The following DUXA variants were observed in gnomAD, a reference collection of about 807,000 sequenced individuals.
DUXA encodes double homeobox protein A.
In DUXA, 25 loss-of-function variants were observed where a neutral mutation model predicts 27.5. The observed-to-expected ratio is 0.91, with a 90% CI of 0.66 to 1.27. The LOEUF is 1.27. Among genes scored for constraint, DUXA ranks in the 50% most tolerant of loss-of-function variants. DUXA has a pLI of 0.00. For missense variants in DUXA, 247 were observed against 242.9 expected (o/e 1.02, Z -0.11); for synonymous variants, 90 against 80.5 (o/e 1.12, Z -0.63).
In DUXA at chr19:57,156,741, C is replaced by T. The variant is rs368679183; in HGVS notation, c.439-1369G>A. On this transcript the variant is annotated intron_variant, in intron 4 of 5. Coordinates refer to ENST00000554048, the MANE Select transcript of DUXA (RefSeq NM_001012729.2). ...TTGCAGTGGCGTGATCTCGGCTCAC[C>T]GCAACCTCCGCCTCCCGGGTTCAAG... Among the ~76,000 whole-genome samples, 207 of 152,088 alleles carry T rather than the reference C, an allele frequency of 1.4e-3. 2 individuals carry two copies. Among genetic ancestry groups the T allele is most frequent in the African/African-American group, 4.6e-3 (192 of 41,464 alleles).
intron 1 of DUXA, among the ~76,000 whole-genome samples, chr19:57,166,597 G>C (rs895596113): frequency 1.1e-4 from 16 of 152,132 alleles, no homozygotes; most frequent in African/African-American, 3.9e-4. Context: ...CGTGAGCCAC[G>C]GCGCCCGGCC....
intron 3 of DUXA, 41 bp from the exon 4 acceptor site, chr19:57,158,514 A>G (rs1186651341): frequency 1.9e-6 from 3 of 1,605,064 alleles, no homozygotes; most frequent in Non-Finnish European, 2.6e-6. Flanking sequence ...CGGTCAAGGA[A>G]TATTGCAAGG....
intron 4 of DUXA, among the ~76,000 whole-genome samples, chr19:57,158,084 C>A (rs554339254): frequency 3.3e-5 from 5 of 152,118 alleles, no homozygotes; most frequent in Non-Finnish European, 5.9e-5. Context: ...TTGGGTGTCA[C>A]GTGCCACGCA....
chr19:57,155,363 G>T lies in DUXA; in HGVS notation c.448C>A (p.Gln150Lys). The T allele has an allele frequency of 6.2e-7, 1 of 1,613,670 alleles. No individual in the cohort carries two copies. The highest frequency in any genetic ancestry group is 1.1e-5 in the South Asian group (1 of 91,056). ...AGAAGTAATCTAGATCTTCGATTTT[G>T]GAACCAAATCTAAGTGGTAAGACAA... ...VPESRVQIWF[Q>K]NRRSRLLLQR... Residue 150 changes from glutamine (Q) to lysine (K), a missense_variant, in exon 5 of 6, where the codon CAA (glutamine) becomes AAA (lysine). Physicochemically the swap from Gln to Lys is moderately conservative, Grantham distance 53. Transcript: ENST00000554048.
intron 1 of DUXA, among the ~76,000 whole-genome samples, chr19:57,161,262 T>C (rs1599931601): frequency 7.0e-6 from 1 of 142,950 alleles, no homozygotes; most frequent in Non-Finnish European, 1.5e-5. Context: ...GAGGCGGAGG[T>C]TGCAGTGAGC....
At position 57,155,166 on chromosome 19, in the gene DUXA, T is replaced by C; in HGVS notation, c.544+101A>G. 20 of 1,044,302 alleles carry C rather than the reference T, an allele frequency of 1.9e-5. No homozygotes were observed. The South Asian group carries it at 2.7e-4, about 14-fold the overall frequency. 64.7% of individuals were successfully genotyped at this position (1,044,302 alleles called of 1,614,324 possible). A position where few individuals can be genotyped will look rare whatever the true frequency, so the allele number is the denominator to read the frequency against. ...ACCGTGGAGCACTTGAGTGGGGATA[T>C]CCTCCACCTCCCAGGAGGAGCTGTC... On this transcript the variant is annotated intron_variant, in intron 5 of 5. Transcript: ENST00000554048.
rs575506504 is a variant in DUXA, at chr19:57,164,020, A to G, written c.26-3223T>C. On this transcript the variant is annotated intron_variant, in intron 1 of 5. Transcript: ENST00000554048. The stretch of plus-strand genomic sequence containing the variant: ...TCCTTGAGTCCAGGAGTTCAAGACT[A>G]TCCTGGGCAACATAGTGAGACACCA... Among the ~76,000 whole-genome samples, 25 of 152,238 alleles carry G rather than the reference A, an allele frequency of 1.6e-4. No homozygotes were observed. In the South Asian group the frequency reaches 4.8e-3, roughly 29 times the overall value.
intron 3 of DUXA, 58 bp from the exon 4 acceptor site, chr19:57,158,531 T>A: frequency 6.3e-7 from 1 of 1,585,732 alleles, no homozygotes; most frequent in East Asian, 2.3e-5. Context: ...AAGGGTCCAT[T>A]CACATATTCA....
Position 57,154,352 on chromosome 19 carries a change from G to A in DUXA, c.*60C>T, listed in dbSNP as rs1046237248. Reference sequence around the variant, plus strand: ...CAGCAGAAGGATAGACTCCCAGGAAGACCGTGAGACAGATTTGGGGTCCAG... The same window carrying A: ...CAGCAGAAGGATAGACTCCCAGGAAAACCGTGAGACAGATTTGGGGTCCAG... On this transcript the variant is annotated 3_prime_UTR_variant, in exon 6 of 6. Transcript: ENST00000554048. 1.8e-5 allele frequency: 27 copies of A among 1,484,344 alleles called. No individual in the cohort carries two copies. Among genetic ancestry groups the A allele is most frequent in the Admixed American group, 3.4e-5 (2 of 59,356 alleles). The allele number at this position is 1,484,344 out of a possible 1,614,324, so 91.9% of individuals were successfully genotyped here. A position where few individuals can be genotyped will look rare whatever the true frequency, so the allele number is the denominator to read the frequency against.
Position 57,160,729 on chromosome 19 carries a change from T to G in DUXA, c.94A>C (p.Asn32His), listed in dbSNP as rs752958224. The part of the protein sequence containing the change: ...FTEEQLKILI[N>H]TFNQKPYPGY... ...GGGTAAGGCTTTTGATTGAAGGTAT[T>G]GATGAGGATTTTCAACTGTTCTTCT... is the stretch of plus-strand genomic sequence containing the variant. The change falls in exon 2 of 6, where the codon AAT (asparagine) becomes CAT (histidine). Residue 32 changes from asparagine (N) to histidine (H), a missense_variant. Physicochemically the swap from Asn to His is moderately conservative, Grantham distance 68. Coordinates refer to ENST00000554048, the MANE Select transcript of DUXA (RefSeq NM_001012729.2). The G allele has an allele frequency of 1.9e-6, 3 of 1,614,206 alleles. No individual in the cohort carries two copies. Among genetic ancestry groups the G allele is most frequent in the Non-Finnish European group, 2.5e-6 (3 of 1,180,046 alleles).
At chr19:57,155,619 A>G (rs982805015) in intron 4 of DUXA, among the ~76,000 whole-genome samples, 1 of 127,376 alleles carries the variant, frequency 7.9e-6, no homozygotes, top group African/African-American at 2.9e-5. Flanking sequence ...AGCTGGGACT[A>G]GAGGCACACT....
At chr19:57,158,710 G>A (rs544276839) in intron 3 of DUXA, among the ~76,000 whole-genome samples, 65 of 152,242 alleles carry the variant, frequency 4.3e-4, no homozygotes, top group African/African-American at 1.2e-3. Flanking sequence ...GAGGCCGGGC[G>A]CGGTGGCTCA....
rs767670445 is a variant in DUXA at position 57,155,262 on chromosome 19, G to A, written c.544+5C>T. The A allele has an allele frequency of 1.2e-6, 2 of 1,613,556 alleles. No individual in the cohort carries two copies. Among genetic ancestry groups the A allele is most frequent in the Admixed American group, 1.7e-5 (1 of 59,988 alleles). ...GAACCACATTGGAAACAACAGGCTA[G>A]TTACCTTGCAGTCCCTCAGGAATCT... On this transcript the variant is annotated splice_donor_5th_base_variant and intron_variant, in intron 5 of 5. Coordinates refer to ENST00000554048, the MANE Select transcript of DUXA (RefSeq NM_001012729.2).
At chr19:57,166,891 G>A (rs1051180400) in intron 1 of DUXA, among the ~76,000 whole-genome samples, 5 of 152,166 alleles carry the variant, frequency 3.3e-5, no homozygotes, top group African/African-American at 9.7e-5. Flanking sequence ...AAAACAGTGC[G>A]AGGAATAGTT....
intron 1 of DUXA, among the ~76,000 whole-genome samples, chr19:57,162,777 C>T (rs201898752): frequency 7.2e-5 from 11 of 151,950 alleles, no homozygotes; most frequent in Admixed American, 1.3e-4. Context: ...GGTTTCACCA[C>T]GTTGGCCAGA....
intron 5 of DUXA, 130 bp downstream of exon 5, chr19:57,155,137 T>C (rs1286146985): frequency 1.3e-5 from 10 of 762,174 alleles, no homozygotes; most frequent in South Asian, 8.7e-5. Context: ...AGCAACCCCA[T>C]GGTACCGTGG....
chr19:57,166,094 C>G (rs1181883769), intron 1 of DUXA, among the ~76,000 whole-genome samples: 1 of 151,872 alleles, frequency 6.6e-6, no homozygotes, highest in Non-Finnish European at 1.5e-5. Flanking sequence ...GTTTGAGAGA[C>G]ATTGCAGGAG....
At chr19:57,166,897 T>C (rs1029708770) in intron 1 of DUXA, among the ~76,000 whole-genome samples, 12 of 152,172 alleles carry the variant, frequency 7.9e-5, no homozygotes, top group Admixed American at 2.0e-4. Context: ...GTGCGAGGAA[T>C]AGTTTAGATA....
At chr19:57,156,645 A>G (rs2086994367) in intron 4 of DUXA, among the ~76,000 whole-genome samples, 1 of 152,116 alleles carries the variant, frequency 6.6e-6, no homozygotes, top group Non-Finnish European at 1.5e-5. Flanking sequence ...GATTCCAGAC[A>G]TGAGCCGCCG....
Sources: allele counts gnomAD v4.1 joint callset (sites outside exome capture counted in the v4.1 genomes callset), GRCh38; gene constraint gnomAD v4.1.1; transcripts MANE v1.5; gene names NCBI Gene and HGNC (gene_info 2026-07-23, HGNC 2026-07-21).